The following PHKB variants were observed in gnomAD, a reference collection of about 807,000 sequenced individuals.
PHKB encodes the protein phosphorylase b kinase regulatory subunit beta.
PHKB carries 122 observed loss-of-function variants against 152.1 expected under a neutral mutation model. That is an observed-to-expected ratio of 0.80 (90% CI 0.69 to 0.93). The LOEUF is 0.93. Ranked by LOEUF, PHKB falls within the 40% of genes least tolerant of loss-of-function variation. The pLI, the probability that PHKB is intolerant of heterozygous loss-of-function variation, is 0.00. For synonymous variants in PHKB, 436 were observed against 464.9 expected (o/e 0.94, Z 0.80); for missense variants, 1,304 against 1,328.4 (o/e 0.98, Z 0.29).
chr16:47,509,750 T>C (rs1970478238), intron 4 of PHKB, among the ~76,000 whole-genome samples: 2 of 152,200 alleles, frequency 1.3e-5, no homozygotes, highest in Non-Finnish European at 2.9e-5. Flanking sequence ...GTTTCTCTAC[T>C]AACAACACTT....
At position 47,511,691 on chromosome 16, in the gene PHKB, C is replaced by T. The variant is rs1970512171; in HGVS notation, c.432C>T (p.Arg144=). ...TCCAGCAGTTTAAGCAGGATCCACG[C>T]CCAACAACATGTCTTCACTCTGTTT... ...DKVQQFKQDP[R]PTTCLHSVFN... Residue 144 remains arginine (R), a synonymous_variant, in exon 5 of 31, where the codon CGC becomes CGT. Transcript: ENST00000323584. 7 of 1,612,848 alleles carry T rather than the reference C, an allele frequency of 4.3e-6. No homozygotes were observed. Among genetic ancestry groups the T allele is most frequent in the Non-Finnish European group, 5.9e-6 (7 of 1,178,858 alleles).
At chr16:47,648,064 T>G (rs1004373443) in intron 16 of PHKB, among the ~76,000 whole-genome samples, 2 of 152,152 alleles carry the variant, frequency 1.3e-5, no homozygotes, top group African/African-American at 4.8e-5. Context: ...AACATTCACT[T>G]TGAGTACGTG....
chr16:47,461,434 T>A lies in PHKB; in HGVS notation c.76+8T>A. ...CTCGGACCAAGCGCTCAGGTTTGGC[T>A]GGCTGGGGCGCCGCCCCCCACCCGA... is the stretch of plus-strand genomic sequence containing the variant. On this transcript the variant is annotated splice_region_variant and intron_variant, in intron 1 of 30. Transcript: ENST00000323584. 3 of 1,612,802 alleles carry A rather than the reference T, an allele frequency of 1.9e-6. No homozygotes were observed. Among genetic ancestry groups the A allele is most frequent in the Non-Finnish European group, 2.5e-6 (3 of 1,179,628 alleles).
At chr16:47,546,825 C>T (rs1227738307) in intron 6 of PHKB, among the ~76,000 whole-genome samples, 1 of 152,116 alleles carries the variant, frequency 6.6e-6, no homozygotes, top group African/African-American at 2.4e-5. Context: ...CCCCCCTCCC[C>T]CAGCCAGGCT....
At position 47,593,531 on chromosome 16, in the gene PHKB, TA is replaced by T. The variant is rs1972067265; in HGVS notation, c.1101del (p.Phe369SerfsTer4). The T allele has an allele frequency of 6.7e-7, 1 of 1,500,860 alleles. No individual in the cohort carries two copies. The highest frequency in any genetic ancestry group is 9.3e-7 in the Non-Finnish European group (1 of 1,077,238). The allele number at this position is 1,500,860 out of a possible 1,614,324, so 93.0% of individuals were successfully genotyped here. On this transcript the variant is annotated frameshift_variant, in exon 11 of 31. Transcript: ENST00000323584. LOFTEE classifies it high-confidence loss of function. ...LFDGIECEFPIFFLYMMIDGV... is the reference protein window; with the variant it reads ...LFDGIECEFPXFFLYMMIDGV... Reference sequence around the variant, plus strand: ...GATGGCATTGAATGTGAATTTCCCATATTTTTCCTTTATATGATGATTGATG... The same window carrying T: ...GATGGCATTGAATGTGAATTTCCCATTTTTTCCTTTATATGATGATTGATG...
At chr16:47,480,172 C>T (rs1383575509) in intron 1 of PHKB, among the ~76,000 whole-genome samples, 3 of 152,254 alleles carry the variant, frequency 2.0e-5, no homozygotes, top group Middle Eastern at 6.8e-3. Flanking sequence ...GTAATGACTG[C>T]CTCCATTTTC....
At chr16:47,695,411 T>C (rs11860828) in intron 28 of PHKB, among the ~76,000 whole-genome samples, 18,097 of 152,294 alleles carry the variant, frequency 0.12, 2,357 homozygotes, top group African/African-American at 0.33. Flanking sequence ...TTAGGTACTA[T>C]CTGTAAACAT....
intron 1 of PHKB, among the ~76,000 whole-genome samples, chr16:47,484,683 C>T (rs901796237): frequency 1.3e-5 from 2 of 152,162 alleles, no homozygotes; most frequent in African/African-American, 4.8e-5. Context: ...TTCTCTGTGC[C>T]TCCATGTGGT....
intron 7 of PHKB, chr16:47,565,368 G>A: frequency 2.1e-6 from 2 of 946,684 alleles, no homozygotes; most frequent in East Asian, 2.4e-5. Context: ...TCCTCAGATG[G>A]TTGAGCTGGA....
In PHKB at chr16:47,661,756, G is replaced by C; in HGVS notation, c.2234G>C (p.Gly745Ala). 6.2e-7 allele frequency: 1 copy of C among 1,613,442 alleles called. No individual in the cohort carries two copies. The highest frequency in any genetic ancestry group is 8.5e-7 in the Non-Finnish European group (1 of 1,179,454). ...SCLASQAILL[G>A]ILLKREGPNF... ...CTGGCTAGCCAAGCCATCCTGCTGG[G>C]TATACTGCTCAAAAGAGAAGGCCCC... is the stretch of plus-strand genomic sequence containing the variant. The change falls in exon 23 of 31, where the codon GGT (glycine) becomes GCT (alanine). Residue 745 changes from glycine to alanine, a missense_variant. Transcript: ENST00000323584.
At chr16:47,463,650 A>G (rs1969615448) in intron 1 of PHKB, 1 of 434,650 alleles carries the variant, frequency 2.3e-6, no homozygotes, top group Non-Finnish European at 4.3e-6. Flanking sequence ...AACAGAGGAT[A>G]CTACTTTTAT....
intron 20 of PHKB, among the ~76,000 whole-genome samples, chr16:47,655,057 G>T (rs1973310798): frequency 6.6e-6 from 1 of 152,058 alleles, no homozygotes; most frequent in South Asian, 2.1e-4. Flanking sequence ...AATTCTAAAT[G>T]AAAAATTCAG....
chr16:47,581,942 A>C (rs1290809432), intron 8 of PHKB, among the ~76,000 whole-genome samples: 2 of 152,252 alleles, frequency 1.3e-5, no homozygotes, highest in East Asian at 3.9e-4. Flanking sequence ...GGCCTCCCAA[A>C]GTGCTGGGAT....
chr16:47,464,169 G>A, intron 1 of PHKB: 2 of 624,416 alleles, frequency 3.2e-6, no homozygotes, highest in Non-Finnish European at 5.8e-6. Context: ...GTGGCCTATT[G>A]TGTTCTTCTC....
chr16:47,641,614 G>T lies in PHKB; in HGVS notation c.1530G>T (p.Leu510=). 1 of 1,586,494 alleles carries T rather than the reference G, an allele frequency of 6.3e-7. No individual in the cohort carries two copies. The highest frequency in any genetic ancestry group is 1.1e-5 in the South Asian group (1 of 90,470). The change falls in exon 16 of 31, where the codon CTG becomes CTT. Residue 510 remains leucine (L), a synonymous_variant. Transcript: ENST00000323584. ...TGATCTTTAGACTTCAAGTTTTTCT[G>T]AACACATATGGTATTCAAACTCAAA... ...IAESQRLQVF[L]NTYGIQTQTP...
rs1454180744 is a variant in PHKB at position 47,528,098 on chromosome 16, CT to C, written c.594+12502del. On this transcript the variant is annotated intron_variant, in intron 6 of 30. Coordinates refer to ENST00000323584, the MANE Select transcript of PHKB (RefSeq NM_000293.3). ...AAATAGACTTATAACAGTTCTTAAGCTTTTTATTGTTGTTGTTATTTTTGTT... is the reference window on the plus strand; with the variant it reads ...AAATAGACTTATAACAGTTCTTAAGCTTTTATTGTTGTTGTTATTTTTGTT... Among the ~76,000 whole-genome samples the C allele has an allele frequency of 7.2e-5, 11 of 152,250 alleles. No individual in the cohort carries two copies. The East Asian group carries it at 2.1e-3, about 29-fold the overall frequency.
chr16:47,652,159 G>A (rs1449015169), intron 20 of PHKB, among the ~76,000 whole-genome samples: 2 of 151,752 alleles, frequency 1.3e-5, no homozygotes, highest in Non-Finnish European at 2.9e-5. Flanking sequence ...ATTTTTAAAA[G>A]TAAAGGAGTA....
chr16:47,610,014 A>T (rs1972397198), intron 13 of PHKB, among the ~76,000 whole-genome samples: 1 of 150,748 alleles, frequency 6.6e-6, no homozygotes, highest in South Asian at 2.1e-4. Context: ...TTGTTTTGAG[A>T]TGGAGTCTCT....
chr16:47,672,143 A>T (rs553640578), intron 26 of PHKB, among the ~76,000 whole-genome samples: 12 of 152,182 alleles, frequency 7.9e-5, no homozygotes, highest in Non-Finnish European at 1.3e-4. Flanking sequence ...CAACTACAGT[A>T]TATTTCAGTC....
Sources: allele counts gnomAD v4.1 joint callset (sites outside exome capture counted in the v4.1 genomes callset), GRCh38; gene constraint gnomAD v4.1.1; transcripts MANE v1.5; gene names NCBI Gene and HGNC (gene_info 2026-07-23, HGNC 2026-07-21).